TUSC3: variants seen among roughly 807,000 people sequenced by gnomAD.
The protein encoded by TUSC3 is dolichyl-diphosphooligosaccharide--protein glycosyltransferase subunit TUSC3.
A neutral mutation model predicts 44.8 loss-of-function variants in TUSC3; 45 were observed. The observed-to-expected ratio is 1.00, with a 90% confidence interval of 0.79 to 1.29. TUSC3 has a LOEUF of 1.29. Among genes scored for constraint, TUSC3 ranks in the 50% most tolerant of loss-of-function variants. The pLI is 0.00. For synonymous variants in TUSC3, 212 were observed against 152.9 expected (o/e 1.39, Z -2.85); for missense variants, 519 against 437.9 (o/e 1.19, Z -1.65).
At chr8:15,497,342 C>G (rs1005065726) in intron 2 of TUSC3, among the ~76,000 whole-genome samples, 2 of 152,162 alleles carry the variant, frequency 1.3e-5, no homozygotes, top group Non-Finnish European at 2.9e-5. Context: ...TATCCTCAAG[C>G]TTAGGGTACC....
chr8:15,463,071 T>A (rs1427595071), intron 1 of TUSC3, among the ~76,000 whole-genome samples: 1 of 152,094 alleles, frequency 6.6e-6, no homozygotes. Context: ...TACCTTCTCC[T>A]TTTTTTCTTC....
chr8:15,564,068 C>T (rs539182926), intron 1 of TUSC3, among the ~76,000 whole-genome samples: 3 of 152,086 alleles, frequency 2.0e-5, no homozygotes, highest in African/African-American at 4.8e-5. Context: ...TAGGAGAAAC[C>T]ATTATTATTC....
intron 2 of TUSC3, among the ~76,000 whole-genome samples, chr8:15,640,988 G>GTAC (rs1430789313): frequency 1.6e-4 from 25 of 152,192 alleles, no homozygotes; most frequent in Admixed American, 1.4e-3. Flanking sequence ...CTGCTCCCAT[G>GTAC]TACTAGACAT....
intron 2 of TUSC3, among the ~76,000 whole-genome samples, chr8:15,650,413 CTTG>C (rs1585193280): frequency 6.6e-6 from 1 of 152,002 alleles, no homozygotes; most frequent in African/African-American, 2.4e-5. Context: ...TAGTTGCTGT[CTTG>C]TTGTTACAAC....
At chr8:15,802,211 G>C in the TUSC3 span, among the ~76,000 whole-genome samples, 22 of 152,252 alleles carry the variant, frequency 1.4e-4, no homozygotes, top group African/African-American at 5.3e-4. Context: ...CGTGCTGTAA[G>C]AGTCACTGGG....
At chr8:15,728,329 A>G (rs1810582379) in intron 6 of TUSC3, among the ~76,000 whole-genome samples, 1 of 152,010 alleles carries the variant, frequency 6.6e-6, no homozygotes, top group Non-Finnish European at 1.5e-5. Context: ...GATCAGACAA[A>G]TCTTTGGGCC....
intron 10 of TUSC3, among the ~76,000 whole-genome samples, chr8:15,762,840 T>G (rs763869792): frequency 4.6e-5 from 7 of 152,074 alleles, no homozygotes; most frequent in Admixed American, 6.6e-5. Context: ...AGCAGTGTTT[T>G]TAAGGATCAT....
intron 1 of TUSC3, among the ~76,000 whole-genome samples, chr8:15,601,053 C>G (rs1345662138): frequency 2.0e-5 from 3 of 151,516 alleles, no homozygotes; most frequent in African/African-American, 7.3e-5. Context: ...AGCTATAACA[C>G]TAGAGAACTG....
At chr8:15,829,991 G>C in the TUSC3 span, among the ~76,000 whole-genome samples, 26,172 of 151,960 alleles carry the variant, frequency 0.17, 2,400 homozygotes, top group Admixed American at 0.28. Context: ...AGCCATTCTG[G>C]CTGGTGTGAG....
intron 2 of TUSC3, among the ~76,000 whole-genome samples, chr8:15,510,710 C>T (rs1203299977): frequency 2.0e-5 from 3 of 151,720 alleles, no homozygotes; most frequent in Non-Finnish European, 2.9e-5. Flanking sequence ...AATTTAAGAG[C>T]GGGGAATGCT....
At chr8:15,555,663 C>T (rs987586404) in intron 1 of TUSC3, among the ~76,000 whole-genome samples, 2 of 151,542 alleles carry the variant, frequency 1.3e-5, no homozygotes, top group Non-Finnish European at 2.9e-5. Flanking sequence ...AACCAATTTC[C>T]TGATGTTTTG....
intron 2 of TUSC3, among the ~76,000 whole-genome samples, chr8:15,506,866 T>G (rs985767008): frequency 6.6e-6 from 1 of 152,164 alleles, no homozygotes; most frequent in African/African-American, 2.4e-5. Flanking sequence ...AAGGAATGCA[T>G]GCTCAGAGAA....
intron 2 of TUSC3, among the ~76,000 whole-genome samples, chr8:15,531,951 G>T (rs1458798364): frequency 2.0e-5 from 3 of 152,132 alleles, no homozygotes; most frequent in Non-Finnish European, 2.9e-5. Flanking sequence ...GTCTATAAAA[G>T]AAATTATTTT....
At chr8:15,614,918 G>A (rs543526780) in intron 1 of TUSC3, among the ~76,000 whole-genome samples, 1 of 135,958 alleles carries the variant, frequency 7.4e-6, no homozygotes, top group Admixed American at 7.7e-5. Flanking sequence ...AGCTATTCAG[G>A]CTGTTATTAA....
intron 2 of TUSC3, among the ~76,000 whole-genome samples, chr8:15,642,596 A>G (rs1244507796): frequency 6.6e-6 from 1 of 152,162 alleles, no homozygotes; most frequent in Non-Finnish European, 1.5e-5. Flanking sequence ...GTTCTTTACC[A>G]CATGAAGCTG....
chr8:15,594,796 T>C (rs1803994869), intron 1 of TUSC3, among the ~76,000 whole-genome samples: 1 of 152,198 alleles, frequency 6.6e-6, no homozygotes, highest in South Asian at 2.1e-4. Context: ...AATGTCTTTT[T>C]ATGCAACAAG....
intron 1 of TUSC3, among the ~76,000 whole-genome samples, chr8:15,589,817 T>C (rs1290224925): frequency 6.6e-6 from 1 of 152,152 alleles, no homozygotes; most frequent in African/African-American, 2.4e-5. Flanking sequence ...AGTTAATGGT[T>C]GAGCCAAGCC....
chr8:15,441,794 G>A lies in TUSC3; in HGVS notation n.91+24489G>A, dbSNP rs190320195. On this transcript the variant is annotated intron_variant and non_coding_transcript_variant, in intron 1 of 5. Transcript: ENST00000503191. ...GAGGTGTCCTGAGTGTTCCAGACTGGATGACCCAGCAGGTGGGATGATATA... is the reference window on the plus strand; with the variant it reads ...GAGGTGTCCTGAGTGTTCCAGACTGAATGACCCAGCAGGTGGGATGATATA... Among the ~76,000 whole-genome samples, 89 of 152,236 alleles carry A rather than the reference G, an allele frequency of 5.8e-4. No individual in the cohort carries two copies. The Middle Eastern group carries it at 0.01, about 17-fold the overall frequency.
downstream of TUSC3, among the ~76,000 whole-genome samples, chr8:15,768,273 A>G (rs1812381992): frequency 6.6e-6 from 1 of 152,192 alleles, no homozygotes; most frequent in Non-Finnish European, 1.5e-5. Flanking sequence ...AAAAGTCACT[A>G]AACAAATCAC....
Sources: gnomAD v4.1 joint callset for allele counts (sites outside exome capture counted in the v4.1 genomes callset) on GRCh38, gnomAD v4.1.1 for gene constraint, MANE v1.5 for transcripts, NCBI Gene and HGNC (gene_info 2026-07-23, HGNC 2026-07-21) for gene names.